The following THUMPD2 variants were observed in gnomAD, a reference collection of about 807,000 sequenced individuals.
THUMPD2 encodes U6 snRNA (guanine-N(2))-methyltransferase THUMPD2.
Under a neutral mutation model 49.4 loss-of-function variants are expected in THUMPD2, and 56 were observed. The observed-to-expected ratio is 1.13, with a 90% CI of 0.91 to 1.41. The LOEUF (loss-of-function observed/expected upper bound fraction) is 1.41, where lower values mean the gene tolerates loss of function less well. Ranked by LOEUF, THUMPD2 falls within the 40% of genes most tolerant of loss-of-function variation. THUMPD2 has a pLI of 0.00. For missense variants in THUMPD2, 709 were observed against 594.5 expected, an observed-to-expected ratio of 1.19 and a Z score of -2.00; for synonymous variants, 237 against 205.2, an observed-to-expected ratio of 1.15 and a Z score of -1.32.
intron 8 of THUMPD2, among the ~76,000 whole-genome samples, chr2:39,753,885 C>T (rs530378752): frequency 6.6e-6 from 1 of 152,332 alleles, no homozygotes; most frequent in East Asian, 1.9e-4. Flanking sequence ...CCTTCCCTCA[C>T]TAAAGTCTAA....
At chr2:39,766,263 C>CTT in intron 4 of THUMPD2, 154 bp from the exon 5 acceptor site, 5 of 468,460 alleles carry the variant, frequency 1.1e-5, no homozygotes, top group African/African-American at 6.2e-5. Context: ...GTTCTATAAT[C>CTT]TTTTTTTTTC....
intron 8 of THUMPD2, among the ~76,000 whole-genome samples, chr2:39,751,256 A>C (rs1675362184): frequency 6.6e-6 from 1 of 152,260 alleles, no homozygotes; most frequent in Non-Finnish European, 1.5e-5. Flanking sequence ...ACCAGTATGA[A>C]AGAAAATGCA....
At chr2:39,763,858 G>C (rs1471592288) in intron 5 of THUMPD2, among the ~76,000 whole-genome samples, 2 of 151,224 alleles carry the variant, frequency 1.3e-5, no homozygotes, top group Admixed American at 6.6e-5. Flanking sequence ...GAAACTACCT[G>C]CCATCCCCCA....
chr2:39,746,083 G>A lies in THUMPD2; in HGVS notation c.1079-1605C>T, dbSNP rs139776524. On this transcript the variant is annotated intron_variant, in intron 8 of 9. Transcript: ENST00000505747. Reference sequence around the variant, plus strand: ...TTTAGAACACGGCCTGGCACAAAGTGAGCATTCAGTAACCGTTAGCTGCTT... The same window carrying A: ...TTTAGAACACGGCCTGGCACAAAGTAAGCATTCAGTAACCGTTAGCTGCTT... Among the ~76,000 whole-genome samples the A allele has an allele frequency of 1.0e-3, 159 of 152,320 alleles. 1 individual carries two copies. Among genetic ancestry groups the A allele is most frequent in the Middle Eastern group, 3.4e-3 (1 of 294 alleles).
chr2:39,769,950 T>A lies in THUMPD2; in HGVS notation c.432A>T (p.Ala144=). The change falls in exon 3 of 10, where the codon GCA becomes GCT. Residue 144 remains alanine, a synonymous_variant. Transcript: ENST00000505747. ...KRKVGENEII[A]KKLKIEQMQK... ...GCATTTGTTCTATTTTTAATTTCTTTGCAATGATTTCATTTTCTCCCACTT... is the reference window on the plus strand; with the variant it reads ...GCATTTGTTCTATTTTTAATTTCTTAGCAATGATTTCATTTTCTCCCACTT... The A allele has an allele frequency of 6.3e-7, 1 of 1,578,130 alleles. No homozygotes were observed. Among genetic ancestry groups the A allele is most frequent in the Non-Finnish European group, 8.5e-7 (1 of 1,170,288 alleles).
intron 8 of THUMPD2, among the ~76,000 whole-genome samples, chr2:39,750,442 G>A (rs988375540): frequency 1.3e-5 from 2 of 152,096 alleles, no homozygotes; most frequent in African/African-American, 4.8e-5. Flanking sequence ...TTTTTAATGG[G>A]GTTGTTTTTT....
intron 5 of THUMPD2, 107 bp from the exon 6 acceptor site, chr2:39,761,525 A>G: frequency 9.5e-7 from 1 of 1,057,130 alleles, no homozygotes; most frequent in South Asian, 1.5e-5. Context: ...TTCATCCAAC[A>G]TACACTAAAG....
intron 1 of THUMPD2, among the ~76,000 whole-genome samples, chr2:39,775,398 T>C (rs1035123748): frequency 5.3e-5 from 8 of 152,268 alleles, no homozygotes; most frequent in Non-Finnish European, 8.8e-5. Flanking sequence ...TGCTACGTGA[T>C]GGGTTAAGGT....
rs1676115494 is a variant in THUMPD2, at chr2:39,756,318, G to T, written c.892-358C>A. Among the ~76,000 whole-genome samples, 4 of 152,072 alleles carry T rather than the reference G, an allele frequency of 2.6e-5. No individual in the cohort carries two copies. In the South Asian group the frequency reaches 8.3e-4, roughly 32 times the overall value. ...CTGGTATGCTGGTAGACTTGGTGAG[G>T]AGAACATGCAGAAGTTCTCTTGTGA... On this transcript the variant is annotated intron_variant, in intron 6 of 9. Coordinates refer to ENST00000505747, the MANE Select transcript of THUMPD2 (RefSeq NM_025264.5).
intron 1 of THUMPD2, among the ~76,000 whole-genome samples, chr2:39,777,460 A>G (rs1679272599): frequency 6.6e-6 from 1 of 152,208 alleles, no homozygotes; most frequent in Admixed American, 6.5e-5. Context: ...GACAAGTCCC[A>G]ATTTTCTCTT....
chr2:39,747,622 G>C (rs192281279), intron 8 of THUMPD2, among the ~76,000 whole-genome samples: 1 of 152,020 alleles, frequency 6.6e-6, no homozygotes, highest in Non-Finnish European at 1.5e-5. Context: ...CCCTGAAAAC[G>C]TATCTGTGCA....
chr2:39,764,756 T>C (rs1172809920), intron 5 of THUMPD2, among the ~76,000 whole-genome samples: 2 of 152,208 alleles, frequency 1.3e-5, no homozygotes, highest in African/African-American at 2.4e-5. Flanking sequence ...ATTGTTCTTT[T>C]TAGCCAACAC....
intron 6 of THUMPD2, among the ~76,000 whole-genome samples, chr2:39,759,451 G>C (rs190922105): frequency 6.6e-5 from 10 of 152,054 alleles, no homozygotes; most frequent in Non-Finnish European, 1.0e-4. Context: ...GATCCCATGA[G>C]ATATTACTAC....
chr2:39,754,012 T>C (rs1208526287), intron 8 of THUMPD2, among the ~76,000 whole-genome samples: 2 of 152,134 alleles, frequency 1.3e-5, no homozygotes, highest in Non-Finnish European at 2.9e-5. Context: ...TGAAATCTTT[T>C]AGAAAATGCC....
chr2:39,750,988 T>A (rs1307718597), intron 8 of THUMPD2, among the ~76,000 whole-genome samples: 1 of 152,246 alleles, frequency 6.6e-6, no homozygotes, highest in African/African-American at 2.4e-5. Flanking sequence ...AAAAAAGGAC[T>A]TATACCATAA....
chr2:39,737,114 A>G, intron 9 of THUMPD2, 55 bp from the exon 10 acceptor site: 3 of 1,455,090 alleles, frequency 2.1e-6, no homozygotes, highest in Admixed American at 2.3e-5. Flanking sequence ...GACAACAAAC[A>G]ATCCCACTTC....
chr2:39,755,012 G>A (rs911574654), intron 8 of THUMPD2, among the ~76,000 whole-genome samples: 1 of 150,648 alleles, frequency 6.6e-6, no homozygotes, highest in African/African-American at 2.5e-5. Flanking sequence ...GTTCTGATAC[G>A]AGAAATGGTT....
chr2:39,774,917 T>C (rs1470616117), intron 1 of THUMPD2, among the ~76,000 whole-genome samples: 1 of 152,224 alleles, frequency 6.6e-6, no homozygotes, highest in Non-Finnish European at 1.5e-5. Flanking sequence ...TATTATCTGC[T>C]AGCATATCTA....
At chr2:39,748,540 T>C (rs543094383) in intron 8 of THUMPD2, among the ~76,000 whole-genome samples, 1 of 151,940 alleles carries the variant, frequency 6.6e-6, no homozygotes, top group East Asian at 1.9e-4. Context: ...ATACAAAAAT[T>C]AGCTGGGCGT....
Sources: allele counts gnomAD v4.1 joint callset (sites outside exome capture counted in the v4.1 genomes callset), GRCh38; gene constraint gnomAD v4.1.1; transcripts MANE v1.5; gene names NCBI Gene and HGNC (gene_info 2026-07-23, HGNC 2026-07-21).